Variants in PHKB observed in about 807,000 individuals in gnomAD.
PHKB encodes phosphorylase b kinase regulatory subunit beta.
A neutral mutation model predicts 152.1 loss-of-function variants in PHKB; 122 were observed. The ratio of observed to expected loss-of-function variants is 0.80; its 90% confidence interval spans 0.69 to 0.93. The LOEUF (loss-of-function observed/expected upper bound fraction) is 0.93, where lower values mean the gene tolerates loss of function less well. PHKB is among the 40% of genes least tolerant of loss of function. PHKB has a pLI of 0.00. For missense variants in PHKB, 1,304 were observed against 1,328.4 expected (o/e 0.98, Z 0.29); for synonymous variants, 436 against 464.9 (o/e 0.94, Z 0.80).
At chr16:47,654,647 T>C (rs1216687407) in intron 20 of PHKB, among the ~76,000 whole-genome samples, 1 of 152,070 alleles carries the variant, frequency 6.6e-6, no homozygotes, top group African/African-American at 2.4e-5. Context: ...TTCATGTCCT[T>C]TGTAGGGACA....
At chr16:47,617,615 G>A (rs1360363186) in intron 14 of PHKB, among the ~76,000 whole-genome samples, 3 of 152,050 alleles carry the variant, frequency 2.0e-5, no homozygotes, top group Admixed American at 6.6e-5. Flanking sequence ...CATTAATATG[G>A]TGTTTTTCTT....
intron 14 of PHKB, among the ~76,000 whole-genome samples, chr16:47,625,305 C>T (rs1972690150): frequency 6.6e-6 from 1 of 152,214 alleles, no homozygotes; most frequent in African/African-American, 2.4e-5. Context: ...GTGTTTATTA[C>T]TATTGTTGTA....
At chr16:47,686,454 A>G (rs527656579) in intron 26 of PHKB, among the ~76,000 whole-genome samples, 2 of 152,328 alleles carry the variant, frequency 1.3e-5, no homozygotes, top group East Asian at 3.9e-4. Context: ...ACAATAATTT[A>G]CTAACATTTT....
At chr16:47,509,401 G>T (rs971226498) in intron 4 of PHKB, among the ~76,000 whole-genome samples, 3 of 152,126 alleles carry the variant, frequency 2.0e-5, no homozygotes, top group African/African-American at 7.2e-5. Context: ...TTATTTTGCT[G>T]ATTAGGTTCT....
intron 7 of PHKB, among the ~76,000 whole-genome samples, chr16:47,553,856 T>C (rs1358230209): frequency 1.3e-5 from 2 of 152,204 alleles, no homozygotes; most frequent in African/African-American, 4.8e-5. Flanking sequence ...TGCCTGGGTA[T>C]CACCAGCGGA....
At chr16:47,512,095 G>A (rs966420502) in intron 5 of PHKB, among the ~76,000 whole-genome samples, 5 of 152,166 alleles carry the variant, frequency 3.3e-5, no homozygotes, top group African/African-American at 1.2e-4. Flanking sequence ...CTCCTGCTGT[G>A]CGGCCCCATT....
chr16:47,533,340 A>C (rs914491694), intron 6 of PHKB, among the ~76,000 whole-genome samples: 4 of 152,188 alleles, frequency 2.6e-5, no homozygotes, highest in African/African-American at 9.6e-5. Flanking sequence ...CAGGACTGGC[A>C]GTCCAGCCGC....
chr16:47,658,973 A>G (rs1374226637), intron 20 of PHKB, among the ~76,000 whole-genome samples: 4 of 152,204 alleles, frequency 2.6e-5, no homozygotes, highest in Non-Finnish European at 5.9e-5. Context: ...TAGGCCTTCA[A>G]TAAATATTTG....
intron 26 of PHKB, among the ~76,000 whole-genome samples, chr16:47,688,281 A>G (rs1447947204): frequency 6.6e-6 from 1 of 152,190 alleles, no homozygotes; most frequent in African/African-American, 2.4e-5. Flanking sequence ...AAGGCACAGT[A>G]TTATTTCCAG....
intron 1 of PHKB, among the ~76,000 whole-genome samples, chr16:47,468,607 C>G (rs1269339371): frequency 6.6e-6 from 1 of 152,192 alleles, no homozygotes; most frequent in Non-Finnish European, 1.5e-5. Flanking sequence ...GAGCTGAGAT[C>G]GTGCCATTGC....
chr16:47,478,833 G>A (rs1337550424), intron 1 of PHKB, among the ~76,000 whole-genome samples: 1 of 152,018 alleles, frequency 6.6e-6, no homozygotes, highest in Admixed American at 6.6e-5. Flanking sequence ...GTTGCATATT[G>A]ACAGCACCCA....
At chr16:47,597,353 A>T (rs530074988) in intron 13 of PHKB, among the ~76,000 whole-genome samples, 3 of 152,256 alleles carry the variant, frequency 2.0e-5, no homozygotes, top group African/African-American at 4.8e-5. Flanking sequence ...TTCGGTTTTT[A>T]AAAAAATATT....
chr16:47,563,691 A>G (rs1408219153), intron 7 of PHKB, among the ~76,000 whole-genome samples: 1 of 152,132 alleles, frequency 6.6e-6, no homozygotes, highest in African/African-American at 2.4e-5. Context: ...TAGGGATACA[A>G]ATGGTTTTTG....
At position 47,669,235 on chromosome 16, in the gene PHKB, G is replaced by C; in HGVS notation, c.2448G>C (p.Gly816=). ...HGKQVTLGAF[G]HEEEVISNPL... ...TGTAGGTAACTCTGGGTGCCTTTGG[G>C]CATGAAGAAGAAGTTATCTCTAATC... Residue 816 remains glycine (G), a synonymous_variant, in exon 26 of 31, where the codon GGG becomes GGC. Transcript: ENST00000323584. 1 of 1,613,800 alleles carries C rather than the reference G, an allele frequency of 6.2e-7. No individual in the cohort carries two copies. Among genetic ancestry groups the C allele is most frequent in the Non-Finnish European group, 8.5e-7 (1 of 1,179,868 alleles).
chr16:47,605,682 C>A (rs1972309689), intron 13 of PHKB, among the ~76,000 whole-genome samples: 1 of 151,796 alleles, frequency 6.6e-6, no homozygotes. Flanking sequence ...TCGATATCTG[C>A]TTTCATTGGT....
intron 26 of PHKB, among the ~76,000 whole-genome samples, chr16:47,671,090 C>T (rs1175672935): frequency 1.3e-5 from 2 of 152,122 alleles, no homozygotes; most frequent in African/African-American, 4.8e-5. Flanking sequence ...AAATTTGTAT[C>T]TCAAAAACAT....
intron 6 of PHKB, among the ~76,000 whole-genome samples, chr16:47,518,797 G>C (rs1265073897): frequency 6.6e-6 from 1 of 152,140 alleles, no homozygotes; most frequent in African/African-American, 2.4e-5. Context: ...ATTTACCTAA[G>C]TCAATCCTTT....
intron 20 of PHKB, among the ~76,000 whole-genome samples, chr16:47,659,572 GACAAAC>G (rs1168941182): frequency 6.6e-6 from 1 of 152,096 alleles, no homozygotes; most frequent in Admixed American, 6.5e-5. Context: ...ATGAACCACT[GACAAAC>G]ACAAACAGTG....
chr16:47,542,382 A>G (rs1188678158), intron 6 of PHKB, among the ~76,000 whole-genome samples: 3 of 152,166 alleles, frequency 2.0e-5, no homozygotes, highest in Non-Finnish European at 4.4e-5. Context: ...TACCAGTACC[A>G]TGCTGTTTTG....
Sources: gnomAD v4.1 joint callset for allele counts (sites outside exome capture counted in the v4.1 genomes callset) on GRCh38, gnomAD v4.1.1 for gene constraint, MANE v1.5 for transcripts, NCBI Gene and HGNC (gene_info 2026-07-23, HGNC 2026-07-21) for gene names.